Variants in ADARB2 observed in about 807,000 individuals in gnomAD.
ADARB2 encodes the protein adenosine deaminase RNA specific B2 (inactive), also known as inactive double-stranded RNA-specific editase B2.
ADARB2 carries 25 observed loss-of-function variants against 62.2 expected under a neutral mutation model. The ratio of observed to expected loss-of-function variants is 0.40; its 90% CI spans 0.29 to 0.56. ADARB2 has a LOEUF of 0.56. ADARB2 is among the 20% of genes least tolerant of loss of function. ADARB2 has a pLI of 0.43. For missense variants in ADARB2, 1,071 were observed against 1,077.4 expected (o/e 0.99, Z 0.08); for synonymous variants, 572 against 500.8 (o/e 1.14, Z -1.90).
chr10:1,540,394 C>T (rs1027825011), intron 1 of ADARB2, among the ~76,000 whole-genome samples: 10 of 136,378 alleles, frequency 7.3e-5, no homozygotes, highest in South Asian at 2.3e-4. Context: ...TTCCAGGGCA[C>T]GTGAGTCTCA....
chr10:1,396,518 T>A (rs1832614953), intron 1 of ADARB2, among the ~76,000 whole-genome samples: 1 of 152,128 alleles, frequency 6.6e-6, no homozygotes, highest in African/African-American at 2.4e-5. Context: ...CCTGCTCCAT[T>A]TCCTCCCTGC....
At position 1,582,348 on chromosome 10, in the gene ADARB2, G is replaced by A. The variant is rs2676721; in HGVS notation, c.100+154703C>T. On this transcript the variant is annotated intron_variant, in intron 1 of 9. Coordinates refer to ENST00000381312, the MANE Select transcript of ADARB2 (RefSeq NM_018702.4). ...GCCCCTATCAGCAGCAGCCCTCACTGGGGTCTGCCCAGCACTGACCCACAG... is the reference window on the plus strand; with the variant it reads ...GCCCCTATCAGCAGCAGCCCTCACTAGGGTCTGCCCAGCACTGACCCACAG... Among the ~76,000 whole-genome samples, 949 of 152,224 alleles carry A rather than the reference G, an allele frequency of 6.2e-3. 8 individuals are homozygous for A. Among genetic ancestry groups the A allele is most frequent in the African/African-American group, 0.022 (914 of 41,522 alleles).
At chr10:1,458,822 A>G (rs1454661001) in intron 1 of ADARB2, among the ~76,000 whole-genome samples, 1 of 152,152 alleles carries the variant, frequency 6.6e-6, no homozygotes, top group Non-Finnish European at 1.5e-5. Flanking sequence ...TTAACACTAG[A>G]TTTGCTACAA....
At chr10:1,550,347 T>C (rs1012873623) in intron 1 of ADARB2, among the ~76,000 whole-genome samples, 1 of 152,206 alleles carries the variant, frequency 6.6e-6, no homozygotes. Flanking sequence ...TAGAGTACCT[T>C]TGGCCTGACA....
chr10:1,495,897 G>T (rs527925761), intron 1 of ADARB2, among the ~76,000 whole-genome samples: 6 of 150,082 alleles, frequency 4.0e-5, no homozygotes, highest in East Asian at 4.0e-4. Flanking sequence ...ACCTTCATTA[G>T]TATCAACATT....
At chr10:1,484,283 G>C (rs1302142461) in intron 1 of ADARB2, among the ~76,000 whole-genome samples, 3 of 152,158 alleles carry the variant, frequency 2.0e-5, no homozygotes, top group Non-Finnish European at 2.9e-5. Flanking sequence ...AAAATTTCTT[G>C]GGCACACAAT....
chr10:1,403,015 T>G (rs1210779974), intron 1 of ADARB2, among the ~76,000 whole-genome samples: 3 of 151,618 alleles, frequency 2.0e-5, no homozygotes, highest in Non-Finnish European at 4.4e-5. Context: ...CGGAAGTCCG[T>G]CTTCCTGCTG....
chr10:1,426,807 C>G lies in ADARB2; in HGVS notation c.101-47647G>C, dbSNP rs1046881616. Among the ~76,000 whole-genome samples the G allele has an allele frequency of 6.6e-6, 1 of 152,238 alleles. No individual in the cohort carries two copies. Among genetic ancestry groups the G allele is most frequent in the African/African-American group, 2.4e-5 (1 of 41,466 alleles). On this transcript the variant is annotated intron_variant, in intron 1 of 9. Transcript: ENST00000381312. The surrounding 1 kb of genome is among the most constrained non-coding windows in gnomAD (Gnocchi z 4.1). ...CGCTTACTCCACCACTGCATCCCTT[C>G]TATACCCTGCTTCTCCCTTCAGACA...
intron 1 of ADARB2, among the ~76,000 whole-genome samples, chr10:1,609,891 G>C (rs962161439): frequency 6.6e-6 from 1 of 152,242 alleles, no homozygotes; most frequent in African/African-American, 2.4e-5. Context: ...GTGATGAATA[G>C]CAGGGCGCTG....
intron 2 of ADARB2, among the ~76,000 whole-genome samples, chr10:1,365,677 A>G (rs1832308156): frequency 6.6e-6 from 1 of 152,118 alleles, no homozygotes; most frequent in Admixed American, 6.5e-5. Flanking sequence ...CAGGAGCACA[A>G]GCACAGCTCC....
At chr10:1,368,863 C>T (rs59342444) in intron 2 of ADARB2, among the ~76,000 whole-genome samples, 2,944 of 14,354 alleles carry the variant, frequency 0.21, 399 homozygotes, top group Non-Finnish European at 0.37. Context: ...GAGCCGAGCT[C>T]GCCCTGTGGC....
rs80241011 is a variant in ADARB2, at chr10:1,294,987, G to A, written c.1078-23918C>T. 7.9e-3 allele frequency among the ~76,000 whole-genome samples: 1,200 copies of A among 152,334 alleles called. 10 individuals are homozygous for A. Among genetic ancestry groups the A allele is most frequent in the African/African-American group, 0.023 (953 of 41,580 alleles). Reference sequence around the variant, plus strand: ...AGATTTCTGTGTGCAGCTGGAGTGCGGAGTCACTGGCAGCAGGTAAGCAGC... The same window carrying A: ...AGATTTCTGTGTGCAGCTGGAGTGCAGAGTCACTGGCAGCAGGTAAGCAGC... On this transcript the variant is annotated intron_variant, in intron 3 of 9. Transcript: ENST00000381312.
chr10:1,367,242 AC>A, intron 2 of ADARB2, among the ~76,000 whole-genome samples: 1 of 152,178 alleles, frequency 6.6e-6, no homozygotes, highest in East Asian at 1.9e-4. Flanking sequence ...AGCTATCACC[AC>A]CACCTGGGTT....
chr10:1,433,684 T>C (rs2131891073), intron 1 of ADARB2, among the ~76,000 whole-genome samples: 1 of 152,228 alleles, frequency 6.6e-6, no homozygotes, highest in Middle Eastern at 3.4e-3. Context: ...TGAGTTGGGA[T>C]GAGGACTGCT....
intron 1 of ADARB2, among the ~76,000 whole-genome samples, chr10:1,735,194 G>T (rs1248148533): frequency 6.6e-6 from 1 of 152,106 alleles, no homozygotes; most frequent in African/African-American, 2.4e-5. Context: ...TTCAATTTTT[G>T]GCTATGAAAA....
intron 3 of ADARB2, among the ~76,000 whole-genome samples, chr10:1,334,668 T>G (rs1411256400): frequency 6.6e-6 from 1 of 152,236 alleles, no homozygotes; most frequent in Non-Finnish European, 1.5e-5. Context: ...AAGTTTTCCT[T>G]TTACAAATAA....
At chr10:1,488,839 C>T (rs763362916) in intron 1 of ADARB2, among the ~76,000 whole-genome samples, 3 of 151,734 alleles carry the variant, frequency 2.0e-5, no homozygotes, top group Non-Finnish European at 4.4e-5. Context: ...TTGACGATAT[C>T]GTCTGACAGG....
chr10:1,547,785 T>C (rs898362978), intron 1 of ADARB2, among the ~76,000 whole-genome samples: 1 of 69,242 alleles, frequency 1.4e-5, no homozygotes, highest in African/African-American at 5.6e-5. Flanking sequence ...GTATACACTG[T>C]GGGGAGGGGG....
chr10:1,245,374 A>G (rs1245819945), intron 4 of ADARB2, among the ~76,000 whole-genome samples: 1 of 151,996 alleles, frequency 6.6e-6, no homozygotes, highest in South Asian at 2.1e-4. Context: ...TAGGGTGCAC[A>G]TGTGCACAAC....
Sources: allele counts gnomAD v4.1 joint callset (sites outside exome capture counted in the v4.1 genomes callset), GRCh38; gene constraint gnomAD v4.1.1; non-coding constraint Gnocchi (gnomAD v3.1); transcripts MANE v1.5; gene names NCBI Gene and HGNC (gene_info 2026-07-23, HGNC 2026-07-21).